KIAA1217: variants seen among roughly 807,000 people sequenced by gnomAD.
The protein encoded by KIAA1217 is KIAA1217.
A neutral mutation model predicts 163.9 loss-of-function variants in KIAA1217; 88 were observed. The ratio of observed to expected loss-of-function variants is 0.54; its 90% CI spans 0.45 to 0.64. KIAA1217 has a LOEUF of 0.64. KIAA1217 is among the 30% of genes least tolerant of loss of function. KIAA1217 has a pLI of 0.00. For missense variants in KIAA1217, 2,372 were observed against 2,475.0 expected (o/e 0.96, Z 0.88); for synonymous variants, 903 against 923.1 (o/e 0.98, Z 0.39).
At chr10:23,836,877 C>T (rs571444875) in intron 1 of KIAA1217, among the ~76,000 whole-genome samples, 3 of 136,042 alleles carry the variant, frequency 2.2e-5, no homozygotes, top group South Asian at 2.6e-4. Flanking sequence ...GAGCTGTGAT[C>T]GTGTCACTGC....
chr10:24,037,417 G>A (rs1217968453), intron 2 of KIAA1217, among the ~76,000 whole-genome samples: 3 of 152,334 alleles, frequency 2.0e-5, no homozygotes, highest in Admixed American at 6.5e-5. Flanking sequence ...TTGAACCCAG[G>A]GAGCAGAGGT....
chr10:23,853,977 A>T (rs1392757246), intron 1 of KIAA1217, among the ~76,000 whole-genome samples: 1 of 152,040 alleles, frequency 6.6e-6, no homozygotes, highest in African/African-American at 2.4e-5. Context: ...TCCTGGATTC[A>T]TTAATTTTTT....
intron 5 of KIAA1217, among the ~76,000 whole-genome samples, chr10:24,459,816 A>G (rs898601089): frequency 6.6e-6 from 1 of 152,156 alleles, no homozygotes. Context: ...CTATAATCCT[A>G]CCTATTCAGG....
At chr10:24,195,295 T>C (rs1175006827) in intron 2 of KIAA1217, among the ~76,000 whole-genome samples, 1 of 152,180 alleles carries the variant, frequency 6.6e-6, no homozygotes, top group Admixed American at 6.5e-5. Context: ...AGCTACAAGA[T>C]GCCATGTCTT....
At chr10:23,956,690 T>C (rs979197268) in intron 1 of KIAA1217, among the ~76,000 whole-genome samples, 1 of 152,240 alleles carries the variant, frequency 6.6e-6, no homozygotes, top group Non-Finnish European at 1.5e-5. Flanking sequence ...CAGCATCTGC[T>C]TCTGGCAAGG....
intron 1 of KIAA1217, among the ~76,000 whole-genome samples, chr10:23,790,277 G>GCAAATACA (rs1192356071): frequency 1.1e-5 from 1 of 95,156 alleles, no homozygotes; most frequent in Non-Finnish European, 2.1e-5. Flanking sequence ...ATGCACATAT[G>GCAAATACA]CATATGCACA....
intron 3 of KIAA1217, among the ~76,000 whole-genome samples, chr10:24,406,377 G>A (rs541106047): frequency 7.5e-6 from 1 of 133,094 alleles, no homozygotes; most frequent in Non-Finnish European, 1.6e-5. Context: ...ATATGCAAAG[G>A]TACATTCACA....
At chr10:24,431,402 G>C (rs1254043970) in intron 3 of KIAA1217, among the ~76,000 whole-genome samples, 1 of 152,156 alleles carries the variant, frequency 6.6e-6, no homozygotes, top group African/African-American at 2.4e-5. Context: ...TCACATGACA[G>C]TCATTTATTT....
At chr10:24,253,815 T>C (rs2074833230) in intron 2 of KIAA1217, among the ~76,000 whole-genome samples, 2 of 151,806 alleles carry the variant, frequency 1.3e-5, no homozygotes, top group African/African-American at 4.8e-5. Flanking sequence ...CTCGGGAGGT[T>C]GAAGCGGGAG....
chr10:24,439,036 G>A lies in KIAA1217; in HGVS notation c.846+557G>A, dbSNP rs151085976. Among the ~76,000 whole-genome samples the A allele has an allele frequency of 9.3e-4, 142 of 152,150 alleles. 1 individual carries two copies. Among genetic ancestry groups the A allele is most frequent in the Admixed American group, 4.4e-3 (67 of 15,276 alleles). On this transcript the variant is annotated intron_variant, in intron 5 of 20. Transcript: ENST00000376454. ...TGCTGAGGTCATAATACAAAAATCC[G>A]CATGATTTGGGAACTAAAATTCTCT...
chr10:23,867,077 C>T (rs1009417639), intron 1 of KIAA1217, among the ~76,000 whole-genome samples: 4 of 149,380 alleles, frequency 2.7e-5, no homozygotes, highest in African/African-American at 7.4e-5. Context: ...TCAATTCCCA[C>T]CTATGAGTGA....
chr10:23,796,429 C>T (rs11013712), intron 1 of KIAA1217, among the ~76,000 whole-genome samples: 12,129 of 151,706 alleles, frequency 0.08, 795 homozygotes, highest in African/African-American at 0.18. Flanking sequence ...AATGGCATGA[C>T]CTCGGCTCAC....
At chr10:23,926,992 C>T (rs7912505) in intron 1 of KIAA1217, among the ~76,000 whole-genome samples, 23,346 of 151,932 alleles carry the variant, frequency 0.15, 3,886 homozygotes, top group African/African-American at 0.42. Context: ...ACTGCAGCCT[C>T]GACTTCCCAG....
At chr10:24,495,121 G>C in intron 7 of KIAA1217, 26 bp from the exon 8 acceptor site, 13 of 1,595,882 alleles carry the variant, frequency 8.1e-6, no homozygotes, top group Non-Finnish European at 1.0e-5. Context: ...AAACTGCATA[G>C]CTGACTCTCT....
chr10:24,256,417 C>G (rs1335164457), intron 2 of KIAA1217, among the ~76,000 whole-genome samples: 1 of 152,168 alleles, frequency 6.6e-6, no homozygotes, highest in East Asian at 1.9e-4. Context: ...AAAAAGCAAA[C>G]CCTCAAGCAT....
intron 1 of KIAA1217, among the ~76,000 whole-genome samples, chr10:23,767,244 C>A (rs1182805573): frequency 6.6e-6 from 1 of 152,130 alleles, no homozygotes; most frequent in Non-Finnish European, 1.5e-5. Flanking sequence ...GAGGACTAAG[C>A]TGGGCTTTGC....
chr10:24,466,815 GT>G (rs2062999381), intron 5 of KIAA1217: 1 of 982,330 alleles, frequency 1.0e-6, no homozygotes, highest in Non-Finnish European at 1.2e-6. Flanking sequence ...TTCTTTGAGG[GT>G]GAAAGAGTGT....
chr10:23,774,973 A>G (rs1264352327), intron 1 of KIAA1217, among the ~76,000 whole-genome samples: 1 of 152,212 alleles, frequency 6.6e-6, no homozygotes, highest in Non-Finnish European at 1.5e-5. Flanking sequence ...GGTGAGCTTC[A>G]TGGAGAAGAT....
intron 9 of KIAA1217, 118 bp from the exon 10 acceptor site, chr10:24,513,141 A>T: frequency 2.3e-6 from 2 of 863,162 alleles, no homozygotes; most frequent in Non-Finnish European, 3.7e-6. Context: ...TCATTGAAAT[A>T]AGTAAAGATT....
Sources: allele counts gnomAD v4.1 joint callset (sites outside exome capture counted in the v4.1 genomes callset), GRCh38; gene constraint gnomAD v4.1.1; transcripts MANE v1.5; gene names NCBI Gene and HGNC (gene_info 2026-07-23, HGNC 2026-07-21).